The following PDE8B variants were observed in gnomAD, a reference collection of about 807,000 sequenced individuals.
The protein encoded by PDE8B is high affinity cAMP-specific and IBMX-insensitive 3',5'-cyclic phosphodiesterase 8B.
Under a neutral mutation model 101.3 loss-of-function variants are expected in PDE8B, and 26 were observed. The observed-to-expected ratio is 0.26, with a 90% CI of 0.19 to 0.36. PDE8B has a LOEUF of 0.36. Ranked by LOEUF, PDE8B falls within the 10% of genes least tolerant of loss-of-function variation. The pLI is 1.00. For synonymous variants in PDE8B, 424 were observed against 429.3 expected, an observed-to-expected ratio of 0.99 and a Z score of 0.15; for missense variants, 810 against 1,163.1, an observed-to-expected ratio of 0.70 and a Z score of 4.42.
intron 1 of PDE8B, among the ~76,000 whole-genome samples, chr5:77,251,058 A>G (rs942208798): frequency 6.6e-6 from 1 of 152,194 alleles, no homozygotes; most frequent in East Asian, 1.9e-4. Flanking sequence ...AGGAGCATAG[A>G]CTTTGAAGTC....
chr5:77,261,654 C>A (rs368059597), intron 1 of PDE8B, among the ~76,000 whole-genome samples: 2 of 152,218 alleles, frequency 1.3e-5, no homozygotes, highest in African/African-American at 4.8e-5. Flanking sequence ...CCTAGATTGC[C>A]GGCCAGAGGG....
intron 1 of PDE8B, among the ~76,000 whole-genome samples, chr5:77,257,823 C>G (rs1010124956): frequency 2.0e-5 from 3 of 152,176 alleles, no homozygotes; most frequent in African/African-American, 7.2e-5. Context: ...CTCCCTCCCC[C>G]ATCCCCAACC....
chr5:77,268,460 T>A (rs10055027), intron 1 of PDE8B, among the ~76,000 whole-genome samples: 59,362 of 151,866 alleles, frequency 0.39, 14,116 homozygotes, highest in African/African-American at 0.68. Flanking sequence ...CATTTTATTT[T>A]ACTATATTTT....
At chr5:77,412,033 T>C (rs1156237157) in intron 15 of PDE8B, 67 bp from the exon 16 acceptor site, 2 of 1,543,766 alleles carry the variant, frequency 1.3e-6, no homozygotes, top group Non-Finnish European at 1.8e-6. Context: ...ATGAAGATGA[T>C]GACAGACACC....
chr5:77,319,503 A>G (rs1304615695), intron 2 of PDE8B, among the ~76,000 whole-genome samples: 5 of 152,258 alleles, frequency 3.3e-5, no homozygotes, highest in Non-Finnish European at 7.3e-5. Context: ...CAAAGATGAA[A>G]GTGCAATGAA....
chr5:77,256,661 AT>A (rs1391006833), intron 1 of PDE8B, among the ~76,000 whole-genome samples: 1 of 152,218 alleles, frequency 6.6e-6, no homozygotes, highest in African/African-American at 2.4e-5. Context: ...GTACAGATTT[AT>A]TCTATTCTGT....
intron 6 of PDE8B, among the ~76,000 whole-genome samples, 192 bp downstream of exon 6, chr5:77,337,507 A>G (rs917037410): frequency 2.0e-5 from 3 of 152,332 alleles, no homozygotes; most frequent in Non-Finnish European, 2.9e-5. Context: ...ATAAATTGGA[A>G]GCATTTCTTC....
intron 10 of PDE8B, among the ~76,000 whole-genome samples, chr5:77,385,786 G>A (rs1363707464): frequency 6.9e-6 from 1 of 144,604 alleles, no homozygotes; most frequent in Non-Finnish European, 1.5e-5. Flanking sequence ...GCGGTTTTGA[G>A]TGAGTGAGGT....
At chr5:77,246,191 T>G (rs1756899543) in intron 1 of PDE8B, among the ~76,000 whole-genome samples, 1 of 152,050 alleles carries the variant, frequency 6.6e-6, no homozygotes, top group Admixed American at 6.5e-5. Flanking sequence ...GGTCATAATA[T>G]TAAAAAAAAA....
the PDE8B span, chr5:77,118,298 A>ATTGTTG: frequency 2.5e-6 from 1 of 397,986 alleles, no homozygotes; most frequent in Non-Finnish European, 4.4e-6. Context: ...TTTAAGTTTT[A>ATTGTTG]TTGTTGTTGT....
the PDE8B span, among the ~76,000 whole-genome samples, chr5:77,156,296 G>T: frequency 1.3e-5 from 2 of 152,162 alleles, no homozygotes; most frequent in Admixed American, 6.5e-5. Context: ...ATTGTGATTT[G>T]TTGTTGGGAG....
At chr5:77,124,265 AATT>A in the PDE8B span, among the ~76,000 whole-genome samples, 1 of 152,210 alleles carries the variant, frequency 6.6e-6, no homozygotes, top group Non-Finnish European at 1.5e-5. Context: ...GAGACTATGG[AATT>A]ATCAGACAAG....
Position 77,265,776 on chromosome 5 carries a change from A to T in PDE8B, c.340-46218A>T, listed in dbSNP as rs141379302. 7.3e-3 allele frequency among the ~76,000 whole-genome samples: 1,105 copies of T among 152,362 alleles called. 9 individuals are homozygous for T. Among genetic ancestry groups the T allele is most frequent in the Middle Eastern group, 0.024 (7 of 294 alleles). On this transcript the variant is annotated intron_variant, in intron 1 of 21. Transcript: ENST00000264917. ...CTTTCAGAATTAAATAAGAAAAGGC[A>T]AAATGTTTGATAAACAGACATTTAT...
intron 16 of PDE8B, among the ~76,000 whole-genome samples, chr5:77,412,742 T>G (rs746505896): frequency 5.9e-5 from 5 of 85,268 alleles, no homozygotes; most frequent in Non-Finnish European, 9.4e-5. Context: ...ATCCAAGCTG[T>G]TTTTTTTTGT....
chr5:77,134,282 A>G, the PDE8B span: 1 of 152,228 alleles, frequency 6.6e-6, no homozygotes, highest in Admixed American at 6.5e-5. Flanking sequence ...GGGGTTCTCC[A>G]TGTGGTGCTA....
chr5:77,321,244 CGGGTT>C (rs146247926), intron 2 of PDE8B, among the ~76,000 whole-genome samples: 3,483 of 148,690 alleles, frequency 0.023, 53 homozygotes, highest in Non-Finnish European at 0.031. Context: ...CTCTGCCTCT[CGGGTT>C]CAAGCAATTC....
intron 1 of PDE8B, among the ~76,000 whole-genome samples, chr5:77,306,021 ACATTCCAC>A (rs1391712350): frequency 6.6e-6 from 1 of 152,276 alleles, no homozygotes; most frequent in East Asian, 1.9e-4. Flanking sequence ...TGGAACTCAG[ACATTCCAC>A]CCCCACCTGG....
chr5:77,245,836 T>TCC (rs1294449774), intron 1 of PDE8B, among the ~76,000 whole-genome samples: 2 of 6,328 alleles, frequency 3.2e-4, no homozygotes, highest in Admixed American at 1.9e-3. Context: ...TCCTATAACC[T>TCC]CCTCCCCCCC....
chr5:77,257,404 G>C (rs1759416673), intron 1 of PDE8B, among the ~76,000 whole-genome samples: 1 of 152,026 alleles, frequency 6.6e-6, no homozygotes, highest in African/African-American at 2.4e-5. Flanking sequence ...CTAACCAAAA[G>C]AAAACAGAAG....
Sources: gnomAD v4.1 joint callset for allele counts (sites outside exome capture counted in the v4.1 genomes callset) on GRCh38, gnomAD v4.1.1 for gene constraint, MANE v1.5 for transcripts, NCBI Gene and HGNC (gene_info 2026-07-23, HGNC 2026-07-21) for gene names.